Variants in NEK6 observed in about 807,000 individuals in gnomAD.
NEK6 encodes serine/threonine-protein kinase Nek6.
In NEK6, 27 loss-of-function variants were observed where a neutral mutation model predicts 43.5. That is an observed-to-expected ratio of 0.62 (90% CI 0.46 to 0.86). The LOEUF is 0.86. NEK6 is among the 40% of genes least tolerant of loss of function. The pLI, the probability that NEK6 is intolerant of heterozygous loss-of-function variation, is 0.00. For missense variants in NEK6, 318 were observed against 414.4 expected (o/e 0.77, Z 2.02); for synonymous variants, 167 against 164.1 (o/e 1.02, Z -0.14).
intron 1 of NEK6, among the ~76,000 whole-genome samples, chr9:124,300,675 G>T (rs961492115): frequency 2.0e-5 from 3 of 152,174 alleles, no homozygotes; most frequent in African/African-American, 7.2e-5. Context: ...TTCCTTCTCA[G>T]ACAAAACCCG....
chr9:124,282,655 CAG>C (rs1831969201), intron 1 of NEK6, among the ~76,000 whole-genome samples: 1 of 151,018 alleles, frequency 6.6e-6, no homozygotes, highest in African/African-American at 2.4e-5. Context: ...ACTGAATACT[CAG>C]GGGCACGGGA....
chr9:124,305,772 C>T (rs1680521575), intron 2 of NEK6, among the ~76,000 whole-genome samples: 1 of 152,028 alleles, frequency 6.6e-6, no homozygotes, highest in African/African-American at 2.4e-5. Context: ...ATGGGGAGGC[C>T]AGTTCTGCTA....
At chr9:124,305,646 T>C (rs1432775889) in intron 2 of NEK6, among the ~76,000 whole-genome samples, 1 of 151,968 alleles carries the variant, frequency 6.6e-6, no homozygotes, top group African/African-American at 2.4e-5. Context: ...TTTCCTGCCA[T>C]GGGAAGTGCC....
rs1336103926 is a variant in NEK6 at position 124,292,282 on chromosome 9, A to G, written c.-29-9654A>G. 2.3e-6 allele frequency: 3 copies of G among 1,311,032 alleles called. No individual in the cohort carries two copies. The African/African-American group carries it at 4.5e-5, about 20-fold the overall frequency. The allele number at this position is 1,311,032 out of a possible 1,614,324, so 81.2% of individuals were successfully genotyped here. On this transcript the variant is annotated intron_variant, in intron 1 of 9. Coordinates refer to ENST00000320246, the MANE Select transcript of NEK6 (RefSeq NM_014397.6). The stretch of plus-strand genomic sequence containing the variant: ...GCTGCCCATTCAGCCAGTCCCACCA[A>G]CCTGACAGGACCTTTGCCACTAGCC...
rs878679 is a variant in NEK6, at chr9:124,324,625, G to C, written c.406-1705G>C. ...CGTGAATAACATCCCGGCCTGGCCCGCCACAGGCCTGGAGGTGGCCTGGGG... is the reference window on the plus strand; with the variant it reads ...CGTGAATAACATCCCGGCCTGGCCCCCCACAGGCCTGGAGGTGGCCTGGGG... On this transcript the variant is annotated intron_variant, in intron 5 of 9. Coordinates refer to ENST00000320246, the MANE Select transcript of NEK6 (RefSeq NM_014397.6). This position sits in a 1 kb window ranked among gnomAD's most constrained non-coding sequence, Gnocchi z 5.3. 0.097 allele frequency among the ~76,000 whole-genome samples: 14,715 copies of C among 152,232 alleles called. 1,195 individuals are homozygous for C. The highest frequency in any genetic ancestry group is 0.45 in the East Asian group (2,339 of 5,156).
chr9:124,288,320 G>A (rs1395164201), intron 1 of NEK6, among the ~76,000 whole-genome samples: 2 of 152,166 alleles, frequency 1.3e-5, no homozygotes, highest in Admixed American at 1.3e-4. Context: ...AGGCTGGAGT[G>A]CAGTGGCGCG....
At chr9:124,273,830 T>A (rs1831545820) in intron 1 of NEK6, among the ~76,000 whole-genome samples, 3 of 152,180 alleles carry the variant, frequency 2.0e-5, no homozygotes, top group African/African-American at 7.2e-5. Flanking sequence ...GTTGTATATT[T>A]GTAAAATGAG....
chr9:124,297,804 G>A (rs571466668), intron 1 of NEK6, among the ~76,000 whole-genome samples: 6 of 152,362 alleles, frequency 3.9e-5, no homozygotes, highest in South Asian at 2.1e-4. Context: ...GTGCCTGCAC[G>A]CATGTGCTAA....
intron 1 of NEK6, among the ~76,000 whole-genome samples, chr9:124,288,244 T>C (rs1204461996): frequency 6.6e-6 from 1 of 152,196 alleles, no homozygotes; most frequent in African/African-American, 2.4e-5. Context: ...ATAACAGGAA[T>C]CATAACAGTG....
upstream of NEK6, chr9:124,257,709 C>T (rs1830861269): frequency 3.3e-6 from 5 of 1,533,088 alleles, 1 homozygote; most frequent in South Asian, 3.6e-5. Flanking sequence ...GGGGAGACGC[C>T]GGCCTGCGCC....
chr9:124,292,304 A>C, intron 1 of NEK6: 1 of 1,378,618 alleles, frequency 7.3e-7, no homozygotes, highest in Non-Finnish European at 9.5e-7. Flanking sequence ...CTTTGCCACT[A>C]GCCTGGGACA....
At chr9:124,292,525 C>T (rs1294579918) in intron 1 of NEK6, 18 of 1,537,022 alleles carry the variant, frequency 1.2e-5, no homozygotes, top group East Asian at 4.9e-5. Context: ...TCTAGATGCT[C>T]GCCTGGGACC....
intron 1 of NEK6, among the ~76,000 whole-genome samples, chr9:124,285,751 C>T (rs971866402): frequency 6.6e-6 from 1 of 152,106 alleles, no homozygotes; most frequent in African/African-American, 2.4e-5. Flanking sequence ...GGGCCACCAG[C>T]AGTTAGGAGT....
At chr9:124,327,260 C>A in intron 6 of NEK6, 78 bp from the exon 7 acceptor site, 1 of 1,181,084 alleles carries the variant, frequency 8.5e-7, no homozygotes, top group Non-Finnish European at 1.3e-6. Context: ...GCCTCACCTT[C>A]CTCCCCCTTC....
intron 1 of NEK6, among the ~76,000 whole-genome samples, chr9:124,279,097 G>A (rs1831777448): frequency 6.6e-6 from 1 of 152,082 alleles, no homozygotes; most frequent in South Asian, 2.1e-4. Flanking sequence ...GCCTGGAGAG[G>A]ATGGGGGGCT....
intron 1 of NEK6, among the ~76,000 whole-genome samples, chr9:124,272,401 C>T (rs1831478840): frequency 6.6e-6 from 1 of 152,260 alleles, no homozygotes; most frequent in African/African-American, 2.4e-5. Flanking sequence ...GAAACCGGTG[C>T]AGGGTTCCTG....
intron 1 of NEK6, among the ~76,000 whole-genome samples, chr9:124,266,497 A>G (rs1468702741): frequency 6.6e-6 from 1 of 152,200 alleles, no homozygotes; most frequent in East Asian, 1.9e-4. Context: ...CCAGCTGCCC[A>G]GCTCAGGACC....
At chr9:124,305,441 C>T (rs940338552) in intron 2 of NEK6, among the ~76,000 whole-genome samples, 4 of 151,682 alleles carry the variant, frequency 2.6e-5, no homozygotes, top group African/African-American at 9.7e-5. Flanking sequence ...GTAATCTCAG[C>T]TACTTGGGAG....
intron 7 of NEK6, among the ~76,000 whole-genome samples, chr9:124,332,493 C>T (rs1472331955): frequency 1.3e-5 from 2 of 152,202 alleles, no homozygotes; most frequent in East Asian, 3.9e-4. Flanking sequence ...TCCCCACCTG[C>T]CCCTGTCTGT....
Sources: allele counts gnomAD v4.1 joint callset (sites outside exome capture counted in the v4.1 genomes callset), GRCh38; gene constraint gnomAD v4.1.1; non-coding constraint Gnocchi (gnomAD v3.1); transcripts MANE v1.5; gene names NCBI Gene and HGNC (gene_info 2026-07-23, HGNC 2026-07-21).